Variants in GAS7 observed in about 807,000 individuals in gnomAD.
GAS7 encodes growth arrest specific 7.
In GAS7, 28 loss-of-function variants were observed where a neutral mutation model predicts 71.1. The ratio of observed to expected loss-of-function variants is 0.39; its 90% CI spans 0.29 to 0.54. GAS7 has a LOEUF of 0.54. Ranked by LOEUF, GAS7 falls within the 20% of genes least tolerant of loss-of-function variation. GAS7 has a pLI of 0.62. For missense variants in GAS7, 436 were observed against 627.8 expected, an observed-to-expected ratio of 0.69 and a Z score of 3.27; for synonymous variants, 258 against 245.8, an observed-to-expected ratio of 1.05 and a Z score of -0.46.
intron 1 of GAS7, among the ~76,000 whole-genome samples, chr17:10,143,414 C>T (rs1430206269): frequency 1.3e-5 from 2 of 151,886 alleles, no homozygotes; most frequent in African/African-American, 2.4e-5. Context: ...TGTTGTGTGT[C>T]CCCTATAATC....
intron 1 of GAS7, among the ~76,000 whole-genome samples, chr17:10,123,273 C>T (rs2073919183): frequency 6.6e-6 from 1 of 152,342 alleles, no homozygotes; most frequent in South Asian, 2.1e-4. Context: ...AGCTGGGCTC[C>T]ACTGCCGGGT....
chr17:10,105,994 C>T (rs2073753071), intron 1 of GAS7, among the ~76,000 whole-genome samples: 1 of 152,178 alleles, frequency 6.6e-6, no homozygotes, highest in South Asian at 2.1e-4. Context: ...TCCCTGCCAC[C>T]ACCCAGGCGG....
chr17:10,146,732 C>T (rs992682832), intron 1 of GAS7, among the ~76,000 whole-genome samples: 1 of 152,182 alleles, frequency 6.6e-6, no homozygotes, highest in Admixed American at 6.5e-5. Context: ...CACCTGTAAT[C>T]CCAGCACTTT....
intron 1 of GAS7, among the ~76,000 whole-genome samples, chr17:10,055,597 G>A (rs929925236): frequency 7.2e-5 from 11 of 152,146 alleles, no homozygotes; most frequent in African/African-American, 2.2e-4. Flanking sequence ...CCCCCACAAG[G>A]AAATCAGCAG....
chr17:9,993,324 G>A (rs1443122341), intron 2 of GAS7, among the ~76,000 whole-genome samples: 1 of 152,160 alleles, frequency 6.6e-6, no homozygotes, highest in Non-Finnish European at 1.5e-5. Flanking sequence ...GTATCTCATT[G>A]TGGTTTTGAT....
chr17:10,000,849 C>T (rs1226847629), intron 2 of GAS7, among the ~76,000 whole-genome samples: 1 of 152,158 alleles, frequency 6.6e-6, no homozygotes. Flanking sequence ...CCCATCTACC[C>T]AATCAGCACA....
At chr17:10,135,546 G>A (rs1258624292) in intron 1 of GAS7, among the ~76,000 whole-genome samples, 1 of 152,226 alleles carries the variant, frequency 6.6e-6, no homozygotes, top group Non-Finnish European at 1.5e-5. Flanking sequence ...ATCACGCTCT[G>A]CTGGTTTATA....
intron 1 of GAS7, among the ~76,000 whole-genome samples, chr17:10,054,369 C>T (rs2073106225): frequency 6.6e-6 from 1 of 152,070 alleles, no homozygotes; most frequent in South Asian, 2.1e-4. Flanking sequence ...TTATCATCAG[C>T]ATATTGTTGC....
intron 1 of GAS7, among the ~76,000 whole-genome samples, chr17:10,106,438 A>T (rs1422825798): frequency 6.6e-6 from 1 of 152,168 alleles, no homozygotes; most frequent in African/African-American, 2.4e-5. Flanking sequence ...ACAGTCTCAA[A>T]CTTTGCTGAG....
intron 1 of GAS7, among the ~76,000 whole-genome samples, chr17:10,048,291 C>A (rs78068460): frequency 0.076 from 11,604 of 152,224 alleles, 891 homozygotes; most frequent in African/African-American, 0.2. Context: ...GCAGTTGCGC[C>A]TGGGCGACAA....
chr17:9,957,526 T>G (rs963135614), intron 5 of GAS7, among the ~76,000 whole-genome samples: 1 of 152,186 alleles, frequency 6.6e-6, no homozygotes, highest in African/African-American at 2.4e-5. Context: ...GCTTTTCACT[T>G]TGCATTTTTG....
At chr17:10,012,409 T>C (rs556182199) in intron 2 of GAS7, among the ~76,000 whole-genome samples, 19 of 152,238 alleles carry the variant, frequency 1.2e-4, no homozygotes, top group Admixed American at 4.6e-4. Flanking sequence ...CACCTCAGCC[T>C]CCCAAGTAGC....
At position 9,959,601 on chromosome 17, in the gene GAS7, A is replaced by G; in HGVS notation, c.472-346T>C. On this transcript the variant is annotated intron_variant, in intron 4 of 13. Transcript: ENST00000432992. The surrounding 1 kb of genome is among the most constrained non-coding windows in gnomAD (Gnocchi z 5.0). ...CGTTCCGCGTGCCGCTTGCTGCCTG[A>G]AGCCGCGGAATCCACTGGGGAGAAG... The G allele has an allele frequency of 2.1e-6, 1 of 482,114 alleles. No individual in the cohort carries two copies. The highest frequency in any genetic ancestry group is 3.4e-6 in the Non-Finnish European group (1 of 297,090). The allele number at this position is 482,114 out of a possible 1,614,324, so 29.9% of individuals were successfully genotyped here. A position where few individuals can be genotyped will look rare whatever the true frequency, so the allele number is the denominator to read the frequency against.
At chr17:10,006,284 T>C (rs985319259) in intron 2 of GAS7, among the ~76,000 whole-genome samples, 1 of 150,466 alleles carries the variant, frequency 6.6e-6, no homozygotes, top group Non-Finnish European at 1.5e-5. Context: ...CTAAGCAGAA[T>C]GTACAAATGA....
chr17:10,042,272 G>T (rs1036656501), intron 1 of GAS7, among the ~76,000 whole-genome samples: 9 of 147,558 alleles, frequency 6.1e-5, no homozygotes, highest in African/African-American at 2.3e-4. Context: ...TCCGGCCTGG[G>T]TGACAGAGCG....
intron 1 of GAS7, among the ~76,000 whole-genome samples, chr17:10,181,229 G>A (rs565530226): frequency 2.7e-5 from 4 of 146,322 alleles, no homozygotes; most frequent in Non-Finnish European, 4.6e-5. Context: ...GCGTGGTGGT[G>A]CATGCCTGTA....
At chr17:10,105,835 A>C (rs1262189505) in intron 1 of GAS7, among the ~76,000 whole-genome samples, 3 of 152,218 alleles carry the variant, frequency 2.0e-5, no homozygotes, top group Admixed American at 6.5e-5. Flanking sequence ...GAGATCAGGG[A>C]CCTGGGTAGT....
At chr17:10,167,917 T>A (rs1317714431) in intron 1 of GAS7, among the ~76,000 whole-genome samples, 1 of 152,024 alleles carries the variant, frequency 6.6e-6, no homozygotes, top group Admixed American at 6.5e-5. Context: ...CAGGCTGGTC[T>A]TGAACTCCTG....
chr17:9,974,450 G>A lies in GAS7; in HGVS notation c.386-4688C>T, dbSNP rs1299855046. 1.3e-5 allele frequency among the ~76,000 whole-genome samples: 2 copies of A among 149,064 alleles called. No homozygotes were observed. Among genetic ancestry groups the A allele is most frequent in the East Asian group, 1.9e-4 (1 of 5,176 alleles). ...CTTCTGGGGCCTCCAGCCTCTGGGGGAAGAAAAATGAAATTGGTCAAGGAT... is the reference window on the plus strand; with the variant it reads ...CTTCTGGGGCCTCCAGCCTCTGGGGAAAGAAAAATGAAATTGGTCAAGGAT... On this transcript the variant is annotated intron_variant, in intron 3 of 13. Transcript: ENST00000432992. The surrounding 1 kb of genome is among the most constrained non-coding windows in gnomAD (Gnocchi z 4.0).
Sources: allele counts gnomAD v4.1 joint callset (sites outside exome capture counted in the v4.1 genomes callset), GRCh38; gene constraint gnomAD v4.1.1; non-coding constraint Gnocchi (gnomAD v3.1); transcripts MANE v1.5; gene names NCBI Gene and HGNC (gene_info 2026-07-23, HGNC 2026-07-21).